The following TMEM117 variants were observed in gnomAD, a reference collection of about 807,000 sequenced individuals.
TMEM117 encodes transmembrane protein 117.
In TMEM117, 27 loss-of-function variants were observed where a neutral mutation model predicts 52.4. The observed-to-expected ratio is 0.51, with a 90% CI of 0.38 to 0.71. The LOEUF is 0.71. Ranked by LOEUF, TMEM117 falls within the 30% of genes least tolerant of loss-of-function variation. The pLI is 0.00. For missense variants in TMEM117, 556 were observed against 630.5 expected (o/e 0.88, Z 1.26); for synonymous variants, 215 against 206.3 (o/e 1.04, Z -0.36).
intron 3 of TMEM117, among the ~76,000 whole-genome samples, chr12:43,993,305 A>G (rs961635354): frequency 1.1e-4 from 16 of 152,334 alleles, no homozygotes; most frequent in Admixed American, 6.5e-4. Flanking sequence ...AGAGAATTTT[A>G]TAGTATGAAA....
intron 3 of TMEM117, among the ~76,000 whole-genome samples, chr12:44,052,950 T>A (rs1333220714): frequency 6.6e-6 from 1 of 152,176 alleles, no homozygotes; most frequent in Non-Finnish European, 1.5e-5. Context: ...CGAACTGTTA[T>A]AACTTCACAC....
chr12:44,053,360 G>A (rs1225097542), intron 3 of TMEM117, among the ~76,000 whole-genome samples: 2 of 152,130 alleles, frequency 1.3e-5, no homozygotes, highest in Middle Eastern at 3.2e-3. Context: ...GATACTCAGC[G>A]CAGCAAGGTC....
At chr12:43,859,815 C>T (rs1197413380) in intron 2 of TMEM117, among the ~76,000 whole-genome samples, 2 of 152,170 alleles carry the variant, frequency 1.3e-5, no homozygotes, top group African/African-American at 4.8e-5. Context: ...AGTCCATTCC[C>T]ATCATATACT....
chr12:43,995,971 C>G (rs1033327944), intron 3 of TMEM117, among the ~76,000 whole-genome samples: 2 of 152,128 alleles, frequency 1.3e-5, no homozygotes, highest in African/African-American at 2.4e-5. Context: ...AGAACTTTGT[C>G]TCATTCCCCT....
intron 3 of TMEM117, among the ~76,000 whole-genome samples, chr12:43,959,378 CT>C (rs1945364816): frequency 6.6e-6 from 1 of 152,156 alleles, no homozygotes; most frequent in African/African-American, 2.4e-5. Context: ...CAGTTGTAGG[CT>C]TCAGCACATA....
chr12:44,180,504 TCCCCCCA>T (rs1949180006), intron 4 of TMEM117, among the ~76,000 whole-genome samples: 1 of 57,986 alleles, frequency 1.7e-5, no homozygotes. Flanking sequence ...CCCTCCCCCC[TCCCCCCA>T]CCCCACAACA....
the TMEM117 span, among the ~76,000 whole-genome samples, chr12:43,827,773 A>C: frequency 6.6e-6 from 1 of 152,182 alleles, no homozygotes; most frequent in African/African-American, 2.4e-5. Context: ...GAACCTCAGA[A>C]TGTGATCTTA....
the TMEM117 span, among the ~76,000 whole-genome samples, chr12:43,813,080 T>G: frequency 2.0e-5 from 3 of 151,732 alleles, no homozygotes; most frequent in South Asian, 6.2e-4. Flanking sequence ...GATTTTCCCT[T>G]CAGGCTCCCA....
chr12:44,001,073 C>G (rs1429036257), intron 3 of TMEM117, among the ~76,000 whole-genome samples: 1 of 152,172 alleles, frequency 6.6e-6, no homozygotes, highest in African/African-American at 2.4e-5. Flanking sequence ...TCCTCGAAGG[C>G]TTCTGGCAGT....
At chr12:44,125,502 G>A (rs1592539062) in intron 3 of TMEM117, among the ~76,000 whole-genome samples, 2 of 152,228 alleles carry the variant, frequency 1.3e-5, no homozygotes. Flanking sequence ...TGTGTTAGAA[G>A]TATTTATTTA....
chr12:44,365,083 A>T (rs1951772070), intron 6 of TMEM117, among the ~76,000 whole-genome samples: 1 of 152,114 alleles, frequency 6.6e-6, no homozygotes, highest in Admixed American at 6.6e-5. Flanking sequence ...TCATTACTAG[A>T]AATATGATAA....
At chr12:44,116,496 C>T (rs1948146012) in intron 3 of TMEM117, among the ~76,000 whole-genome samples, 1 of 151,602 alleles carries the variant, frequency 6.6e-6, no homozygotes, top group African/African-American at 2.4e-5. Flanking sequence ...GGAATTTCAC[C>T]TACTTTTAAA....
At chr12:43,996,560 G>A (rs547813782) in intron 3 of TMEM117, among the ~76,000 whole-genome samples, 76 of 152,004 alleles carry the variant, frequency 5.0e-4, no homozygotes, top group Non-Finnish European at 9.1e-4. Context: ...GGAGAATGGC[G>A]TGAACCTGGG....
At chr12:44,394,840 G>T in the TMEM117 span, among the ~76,000 whole-genome samples, 1 of 152,156 alleles carries the variant, frequency 6.6e-6, no homozygotes, top group African/African-American at 2.4e-5. Flanking sequence ...TCTGAATTGG[G>T]ATGTCACTCT....
intron 4 of TMEM117, among the ~76,000 whole-genome samples, chr12:44,198,807 A>G (rs998486115): frequency 2.0e-5 from 3 of 152,148 alleles, no homozygotes; most frequent in African/African-American, 7.2e-5. Flanking sequence ...AAGGGGCACC[A>G]TAGTTTTCTT....
intron 4 of TMEM117, among the ~76,000 whole-genome samples, chr12:44,145,816 A>T (rs1948635006): frequency 1.3e-5 from 2 of 152,248 alleles, no homozygotes; most frequent in South Asian, 2.1e-4. Context: ...ACCTGACAAA[A>T]GTTAGAGGAG....
At chr12:44,049,566 AAAG>A (rs953313558) in intron 3 of TMEM117, among the ~76,000 whole-genome samples, 5 of 151,550 alleles carry the variant, frequency 3.3e-5, no homozygotes, top group Non-Finnish European at 5.9e-5. Context: ...AAAAAAAAAA[AAAG>A]AAATGCCTGG....
intron 3 of TMEM117, among the ~76,000 whole-genome samples, chr12:44,117,545 G>T (rs777743667): frequency 6.6e-6 from 1 of 152,084 alleles, no homozygotes; most frequent in Non-Finnish European, 1.5e-5. Context: ...GCTTGGGTTT[G>T]TCACTGCATT....
At chr12:44,027,200 A>ATTTTATTTTATTTTATTTTAGTTTAGT (rs1946555702) in intron 3 of TMEM117, among the ~76,000 whole-genome samples, 1 of 86,004 alleles carries the variant, frequency 1.2e-5, no homozygotes, top group Admixed American at 1.1e-4. Context: ...TTTTATTTTA[A>ATTTTATTTTATTTTATTTTAGTTTAGT]TTAGAGATGG....
Sources: allele counts gnomAD v4.1 joint callset (sites outside exome capture counted in the v4.1 genomes callset), GRCh38; gene constraint gnomAD v4.1.1; transcripts MANE v1.5; gene names NCBI Gene and HGNC (gene_info 2026-07-23, HGNC 2026-07-21).